Variants in WAPL observed in about 807,000 individuals in gnomAD.
WAPL encodes WAPL cohesin release factor.
In WAPL, 5 loss-of-function variants were observed where a neutral mutation model predicts 121.0. The observed-to-expected ratio is 0.04, with a 90% CI of 0.02 to 0.09. The LOEUF (loss-of-function observed/expected upper bound fraction) is 0.09, where lower values mean the gene tolerates loss of function less well. WAPL is among the 10% of genes least tolerant of loss of function. The pLI, the probability that WAPL is intolerant of heterozygous loss-of-function variation, is 1.00. For missense variants in WAPL, 999 were observed against 1,410.8 expected (o/e 0.71, Z 4.68); for synonymous variants, 480 against 481.5 (o/e 1.00, Z 0.04).
intron 12 of WAPL, among the ~76,000 whole-genome samples, chr10:86,456,404 C>CAA (rs200771344): frequency 0.13 from 14,948 of 117,514 alleles, 901 homozygotes; most frequent in Middle Eastern, 0.2. Flanking sequence ...TTTATGATAC[C>CAA]AAAAAAAAAA....
At chr10:86,519,208 G>A (rs909205426) in intron 1 of WAPL, among the ~76,000 whole-genome samples, 1 of 151,774 alleles carries the variant, frequency 6.6e-6, no homozygotes, top group African/African-American at 2.4e-5. Context: ...TTAGTTCTGT[G>A]CCTATTAAAA....
intron 17 of WAPL, among the ~76,000 whole-genome samples, chr10:86,439,261 T>C (rs942986218): frequency 1.3e-5 from 2 of 152,084 alleles, no homozygotes; most frequent in African/African-American, 4.8e-5. Context: ...AAAGATCTAA[T>C]CAAAACACTG....
chr10:86,438,641 TAGG>T (rs1208543628), intron 17 of WAPL, among the ~76,000 whole-genome samples: 2 of 152,170 alleles, frequency 1.3e-5, no homozygotes, highest in Non-Finnish European at 2.9e-5. Context: ...CCTGGGGGAA[TAGG>T]AGAAGAGGGT....
chr10:86,505,562 C>T (rs902877391), intron 2 of WAPL, among the ~76,000 whole-genome samples: 1 of 151,984 alleles, frequency 6.6e-6, no homozygotes, highest in African/African-American at 2.4e-5. Flanking sequence ...GCTAGGATTA[C>T]AGGCATGAGC....
chr10:86,452,695 G>A (rs527894538), intron 14 of WAPL, among the ~76,000 whole-genome samples: 1 of 151,744 alleles, frequency 6.6e-6, no homozygotes, highest in Admixed American at 6.6e-5. Flanking sequence ...TTTAGCTTTC[G>A]TACTTTTTAT....
intron 4 of WAPL, among the ~76,000 whole-genome samples, chr10:86,490,502 A>C (rs2132212237): frequency 6.6e-6 from 1 of 152,272 alleles, no homozygotes; most frequent in Non-Finnish European, 1.5e-5. Context: ...TAAGTTCATA[A>C]CTAAGTTAAA....
chr10:86,493,230 T>C (rs1842084140), intron 4 of WAPL, among the ~76,000 whole-genome samples: 2 of 152,056 alleles, frequency 1.3e-5, no homozygotes, highest in Non-Finnish European at 2.9e-5. Flanking sequence ...TATCAAAGAA[T>C]TACTAGGAAT....
chr10:86,443,006 G>A (rs1444274844), intron 17 of WAPL, among the ~76,000 whole-genome samples: 1 of 140,714 alleles, frequency 7.1e-6, no homozygotes, highest in Non-Finnish European at 1.5e-5. Flanking sequence ...TTGCGCCACT[G>A]CACTCCAGCC....
chr10:86,441,117 G>A (rs1445844365), intron 17 of WAPL, among the ~76,000 whole-genome samples: 1 of 151,938 alleles, frequency 6.6e-6, no homozygotes, highest in African/African-American at 2.4e-5. Context: ...TTCCCTCAAT[G>A]CCCTTGCTCC....
intron 17 of WAPL, among the ~76,000 whole-genome samples, chr10:86,440,998 T>A (rs1849456882): frequency 6.6e-6 from 1 of 151,880 alleles, no homozygotes; most frequent in Non-Finnish European, 1.5e-5. Flanking sequence ...AATAAAGCCA[T>A]TCATTTATCA....
intron 15 of WAPL, among the ~76,000 whole-genome samples, chr10:86,449,559 T>C (rs1840919971): frequency 1.3e-5 from 2 of 152,140 alleles, no homozygotes; most frequent in Non-Finnish European, 1.5e-5. Flanking sequence ...CCCAGGTCAA[T>C]TAGACACAGT....
chr10:86,470,988 A>G lies in WAPL; in HGVS notation c.2142+4T>C, dbSNP rs1359951216. On this transcript the variant is annotated splice_donor_region_variant and intron_variant, in intron 8 of 18. Coordinates refer to ENST00000298767, the MANE Select transcript of WAPL (RefSeq NM_015045.5). ...CTTCTCAATCTCAGAAACTTAAAAA[A>G]TACCTGATGGTGCTGGGAATCATCC... 6.8e-6 allele frequency: 11 copies of G among 1,612,320 alleles called. No individual in the cohort carries two copies. The highest frequency in any genetic ancestry group is 1.1e-5 in the South Asian group (1 of 90,808).
At chr10:86,470,198 A>G (rs1841505967) in intron 8 of WAPL, among the ~76,000 whole-genome samples, 1 of 151,986 alleles carries the variant, frequency 6.6e-6, no homozygotes, top group Non-Finnish European at 1.5e-5. Flanking sequence ...ACACCCAGCT[A>G]ATTTTTTGTA....
At chr10:86,486,989 T>C (rs919068835) in intron 4 of WAPL, among the ~76,000 whole-genome samples, 1 of 151,720 alleles carries the variant, frequency 6.6e-6, no homozygotes, top group Non-Finnish European at 1.5e-5. Context: ...GGTATAAATA[T>C]TGGAGAATTG....
At chr10:86,457,956 G>A (rs537552998) in intron 12 of WAPL, among the ~76,000 whole-genome samples, 25 of 152,218 alleles carry the variant, frequency 1.6e-4, no homozygotes, top group Admixed American at 7.8e-4. Flanking sequence ...GAATGGATGA[G>A]GTTACAGATG....
At chr10:86,446,119 G>T (rs536006059) in intron 16 of WAPL, 123 bp downstream of exon 16, 1 of 1,063,788 alleles carries the variant, frequency 9.4e-7, no homozygotes, top group Non-Finnish European at 1.4e-6. Flanking sequence ...TGTCTGGACT[G>T]AACTAGAGAG....
chr10:86,441,965 T>G (rs966226655), intron 17 of WAPL, among the ~76,000 whole-genome samples: 1 of 152,240 alleles, frequency 6.6e-6, no homozygotes, highest in African/African-American at 2.4e-5. Flanking sequence ...GGTTTCATAC[T>G]ATCCCTTCTT....
chr10:86,444,892 C>CA (rs35307250), intron 16 of WAPL, among the ~76,000 whole-genome samples: 1,700 of 68,178 alleles, frequency 0.025, 74 homozygotes, highest in African/African-American at 0.079. Context: ...GTTATTACGC[C>CA]AAAAAAAAAA....
chr10:86,461,106 G>C (rs1195563557), intron 10 of WAPL, 70 bp downstream of exon 10: 2 of 1,121,768 alleles, frequency 1.8e-6, no homozygotes, highest in Admixed American at 4.2e-5. Context: ...ATTTTTTGAA[G>C]TACGTCAATG....
Sources: allele counts gnomAD v4.1 joint callset (sites outside exome capture counted in the v4.1 genomes callset), GRCh38; gene constraint gnomAD v4.1.1; transcripts MANE v1.5; gene names NCBI Gene and HGNC (gene_info 2026-07-23, HGNC 2026-07-21).